Variants in SLC25A23 observed in about 807,000 individuals in gnomAD.
SLC25A23 encodes the protein mitochondrial adenyl nucleotide antiporter SLC25A23.
In SLC25A23, 32 loss-of-function variants were observed where a neutral mutation model predicts 53.9. The ratio of observed to expected loss-of-function variants is 0.59; its 90% CI spans 0.45 to 0.80. The LOEUF (loss-of-function observed/expected upper bound fraction) is 0.80. SLC25A23 is among the 30% of genes least tolerant of loss of function. The pLI is 0.00. For synonymous variants in SLC25A23, 275 were observed against 264.5 expected (o/e 1.04, Z -0.38); for missense variants, 575 against 651.4 (o/e 0.88, Z 1.28).
At position 6,454,157 on chromosome 19, in the gene SLC25A23, C is replaced by T. The variant is rs577725507; in HGVS notation, c.796-69G>A. The T allele has an allele frequency of 3.8e-5, 58 of 1,531,592 alleles. No individual in the cohort carries two copies. The East Asian group carries it at 1.2e-3, about 32-fold the overall frequency. The allele number at this position is 1,531,592 out of a possible 1,614,324, so 94.9% of individuals were successfully genotyped here. ...AACCTTCCTTGCACTCCACTGTTCTCCTGGCTTCCAAAGAACTGGCTTGCT... is the reference window on the plus strand; with the variant it reads ...AACCTTCCTTGCACTCCACTGTTCTTCTGGCTTCCAAAGAACTGGCTTGCT... On this transcript the variant is annotated intron_variant, in intron 6 of 9. Coordinates refer to ENST00000301454, the MANE Select transcript of SLC25A23 (RefSeq NM_024103.3). This position sits in a 1 kb window ranked among gnomAD's most constrained non-coding sequence, Gnocchi z 4.3.
chr19:6,457,624 C>T lies in SLC25A23; in HGVS notation c.284-34G>A, dbSNP rs372772501. 45 of 1,581,602 alleles carry T rather than the reference C, an allele frequency of 2.8e-5. No individual in the cohort carries two copies. In the East Asian group the frequency reaches 5.4e-4, roughly 19 times the overall value. ...GGGGCCGGAGGTGGGGAAGGATGTG[C>T]GTGTGAGGACACCTGGGGAACCCCA... On this transcript the variant is annotated intron_variant, in intron 2 of 9. Coordinates refer to ENST00000301454, the MANE Select transcript of SLC25A23 (RefSeq NM_024103.3).
chr19:6,444,544 A>G (rs911163786), intron 8 of SLC25A23, among the ~76,000 whole-genome samples: 1 of 152,180 alleles, frequency 6.6e-6, no homozygotes. Context: ...ACCTCTGCAT[A>G]TGTTACCCAA....
At chr19:6,449,568 C>T (rs930716633) in intron 8 of SLC25A23, among the ~76,000 whole-genome samples, 1 of 152,224 alleles carries the variant, frequency 6.6e-6, no homozygotes, top group Non-Finnish European at 1.5e-5. Context: ...GTGCCCGCCA[C>T]CATGCCTGGC....
intron 4 of SLC25A23, chr19:6,455,980 A>G (rs1278542164): frequency 1.3e-5 from 17 of 1,284,936 alleles, no homozygotes; most frequent in African/African-American, 1.5e-5. Context: ...CGGCCTCCCA[A>G]AGTGCTGGGA....
At chr19:6,456,899 C>T (rs991605577) in intron 3 of SLC25A23, among the ~76,000 whole-genome samples, 38 of 151,806 alleles carry the variant, frequency 2.5e-4, no homozygotes, top group African/African-American at 9.2e-4. Context: ...AGGATGGTCT[C>T]CATCTCTTGA....
Position 6,443,524 on chromosome 19 carries a change from G to A in SLC25A23, c.1222+627C>T, listed in dbSNP as rs183684412. The A allele has an allele frequency of 1.7e-4, 116 of 694,026 alleles. No homozygotes were observed. In the African/African-American group the frequency reaches 1.8e-3, roughly 11 times the overall value. The allele number at this position is 694,026 out of a possible 1,614,324, so 43.0% of individuals were successfully genotyped here. On this transcript the variant is annotated intron_variant, in intron 9 of 9. Transcript: ENST00000301454. ...ATTACAGATGTGAGCCACTGTGCCCGGCCTCCTTCTCCCCTTTATACAACC... is the reference window on the plus strand; with the variant it reads ...ATTACAGATGTGAGCCACTGTGCCCAGCCTCCTTCTCCCCTTTATACAACC...
At position 6,454,628 on chromosome 19, in the gene SLC25A23, G is replaced by A. The variant is rs370370463; in HGVS notation, c.573C>T (p.Ala191=). Residue 191 remains alanine (A), a synonymous_variant, in exon 5 of 10, where the codon GCC becomes GCT. Transcript: ENST00000301454. The surrounding 1 kb of genome is among the most constrained non-coding windows in gnomAD (Gnocchi z 4.3). ...LTGMWWKQLV[A]GAVAGAVSRT... ...GTGACACGGCACCTGCCACTGCGCC[G>A]GCCACCAGCTGTTTCCACCACATGC... The A allele has an allele frequency of 2.0e-5, 33 of 1,613,860 alleles. No homozygotes were observed. Among genetic ancestry groups the A allele is most frequent in the Admixed American group, 1.7e-4 (10 of 59,994 alleles).
At chr19:6,457,432 C>T (rs1283936371) in intron 3 of SLC25A23, 71 bp downstream of exon 3, 4 of 1,393,834 alleles carry the variant, frequency 2.9e-6, no homozygotes, top group South Asian at 1.2e-5. Context: ...GTCTGGAGCC[C>T]AGAAGACAGA....
rs1226262319 is a variant in SLC25A23, at chr19:6,442,046, T to C, written c.1336A>G (p.Ile446Val). 1.9e-6 allele frequency: 3 copies of C among 1,613,714 alleles called. No individual in the cohort carries two copies. The highest frequency in any genetic ancestry group is 2.5e-6 in the Non-Finnish European group (3 of 1,179,842). Residue 446 changes from isoleucine (I) to valine (V), a missense_variant, in exon 10 of 10, where the codon ATT becomes GTT. Ile to Val is a conservative substitution (Grantham distance 29). Transcript: ENST00000301454. The stretch of plus-strand genomic sequence containing the variant: ...ACATAGGAGATGCTCACAGCTGGAA[T>C]AACCTTCATGAAGTTGGGGGCGATC... ...RGIAPNFMKV[I>V]PAVSISYVVY...
In SLC25A23 at chr19:6,454,083, CT is replaced by C; in HGVS notation, c.800del (p.Lys267ArgfsTer37). The C allele has an allele frequency of 6.2e-7, 1 of 1,612,596 alleles. No individual in the cohort carries two copies. The highest frequency in any genetic ancestry group is 8.5e-7 in the Non-Finnish European group (1 of 1,179,460). Reference sequence around the variant, plus strand: ...TCTCCTGCTGCCCCAGGATGGCCCTCTTGATCTGAGGCGGGGAGACACAGGG... The same window carrying C: ...TCTCCTGCTGCCCCAGGATGGCCCTCTGATCTGAGGCGGGGAGACACAGGG... ...AIKFMAYEQIKRAILGQQETL... is the reference protein window; with the variant it reads ...AIKFMAYEQIXRAILGQQETL... On this transcript the variant is annotated frameshift_variant, in exon 7 of 10. Coordinates refer to ENST00000301454, the MANE Select transcript of SLC25A23 (RefSeq NM_024103.3). LOFTEE classifies it high-confidence loss of function. This position sits in a 1 kb window ranked among gnomAD's most constrained non-coding sequence, Gnocchi z 4.3.
intron 4 of SLC25A23, chr19:6,456,027 G>A: frequency 7.7e-7 from 1 of 1,304,832 alleles, no homozygotes; most frequent in Non-Finnish European, 1.0e-6. Flanking sequence ...CCAAGACCGT[G>A]GTTTTTGAAC....
At chr19:6,451,716 ACAG>A (rs1324447235) in intron 8 of SLC25A23, among the ~76,000 whole-genome samples, 1 of 152,190 alleles carries the variant, frequency 6.6e-6, no homozygotes, top group African/African-American at 2.4e-5. Flanking sequence ...TCTTATGGTA[ACAG>A]CAGATGCTCA....
At chr19:6,446,664 C>T (rs1459183723) in intron 8 of SLC25A23, among the ~76,000 whole-genome samples, 1 of 152,168 alleles carries the variant, frequency 6.6e-6, no homozygotes, top group Non-Finnish European at 1.5e-5. Flanking sequence ...CTTATGCTGC[C>T]TCCCACAGAT....
intron 2 of SLC25A23, among the ~76,000 whole-genome samples, 195 bp downstream of exon 2, chr19:6,458,003 A>T (rs1168366409): frequency 6.6e-6 from 1 of 151,928 alleles, no homozygotes; most frequent in Non-Finnish European, 1.5e-5. Flanking sequence ...TAGGGAAAGG[A>T]GGTGGGATGG....
chr19:6,452,083 G>A (rs1186468316), intron 8 of SLC25A23, among the ~76,000 whole-genome samples: 1 of 152,098 alleles, frequency 6.6e-6, no homozygotes, highest in Non-Finnish European at 1.5e-5. Context: ...CTGACTTTCA[G>A]GTGACCCCGG....
intron 3 of SLC25A23, among the ~76,000 whole-genome samples, chr19:6,456,843 C>G (rs935184387): frequency 1.2e-4 from 18 of 152,038 alleles, no homozygotes; most frequent in East Asian, 3.9e-4. Context: ...CCATGCCCAG[C>G]AAATTTTTGT....
chr19:6,448,460 C>T (rs1027256485), intron 8 of SLC25A23, among the ~76,000 whole-genome samples: 1 of 151,722 alleles, frequency 6.6e-6, no homozygotes, highest in Non-Finnish European at 1.5e-5. Flanking sequence ...TGGCTCATGC[C>T]TGTAATCCCA....
At position 6,440,564 on chromosome 19, in the gene SLC25A23, C is replaced by T. The variant is rs2092406324; in HGVS notation, c.*1411G>A. ...TCGGACCCCTTGGAGGAACACAGCT[C>T]TGGGGACTATTCGCCTAGAAGGTGG... On this transcript the variant is annotated 3_prime_UTR_variant, in exon 10 of 10. Coordinates refer to ENST00000301454, the MANE Select transcript of SLC25A23 (RefSeq NM_024103.3). 1 of 151,314 alleles carries T rather than the reference C, an allele frequency of 6.6e-6. No homozygotes were observed. Among genetic ancestry groups the T allele is most frequent in the Non-Finnish European group, 1.5e-5 (1 of 67,866 alleles). The allele number at this position is 151,314 out of a possible 1,614,324, so 9.4% of individuals were successfully genotyped here. A position where few individuals can be genotyped will look rare whatever the true frequency, so the allele number is the denominator to read the frequency against.
At chr19:6,437,910 CAAAAAAAAA>C (rs1222700150), downstream of SLC25A23, among the ~76,000 whole-genome samples, 1 of 118,422 alleles carries the variant, frequency 8.4e-6, no homozygotes, top group African/African-American at 3.1e-5. Flanking sequence ...ACTAAAAATA[CAAAAAAAAA>C]AAAAAATTAG....
Sources: allele counts gnomAD v4.1 joint callset (sites outside exome capture counted in the v4.1 genomes callset), GRCh38; gene constraint gnomAD v4.1.1; non-coding constraint Gnocchi (gnomAD v3.1); transcripts MANE v1.5; gene names NCBI Gene and HGNC (gene_info 2026-07-23, HGNC 2026-07-21).